The following SNX31 variants were observed in gnomAD, a reference collection of about 807,000 sequenced individuals.
SNX31 encodes the protein sorting nexin 31.
Under a neutral mutation model 65.4 loss-of-function variants are expected in SNX31, and 58 were observed. The ratio of observed to expected loss-of-function variants is 0.89; its 90% confidence interval spans 0.72 to 1.10. The LOEUF is 1.10. SNX31 is among the 50% of genes least tolerant of loss of function. The pLI is 0.00. For synonymous variants in SNX31, 181 were observed against 190.1 expected (o/e 0.95, Z 0.39); for missense variants, 523 against 529.7 (o/e 0.99, Z 0.12).
chr8:100,659,402 T>A (rs1465253543), intron 1 of SNX31, among the ~76,000 whole-genome samples: 5 of 151,556 alleles, frequency 3.3e-5, no homozygotes, highest in African/African-American at 1.2e-4. Flanking sequence ...CACACTGTTC[T>A]TTTCATTCAG....
At position 100,622,746 on chromosome 8, in the gene SNX31, G is replaced by A. The variant is rs752558979; in HGVS notation, c.322-5016C>T. Among the ~76,000 whole-genome samples, 2 of 152,094 alleles carry A rather than the reference G, an allele frequency of 1.3e-5. No individual in the cohort carries two copies. The highest frequency in any genetic ancestry group is 2.9e-5 in the Non-Finnish European group (2 of 68,024). On this transcript the variant is annotated intron_variant, in intron 4 of 13. Transcript: ENST00000311812. This position sits in a 1 kb window ranked among gnomAD's most constrained non-coding sequence, Gnocchi z 5.0. ...ATTTAAAAATGGAGTGTTGATACATGAACTTCCCTCTCTAGCCCTCGACTG... is the reference window on the plus strand; with the variant it reads ...ATTTAAAAATGGAGTGTTGATACATAAACTTCCCTCTCTAGCCCTCGACTG...
intron 3 of SNX31, among the ~76,000 whole-genome samples, chr8:100,633,445 C>T (rs1467375851): frequency 6.6e-6 from 1 of 151,962 alleles, no homozygotes; most frequent in Non-Finnish European, 1.5e-5. Context: ...CTCTCACTGC[C>T]CAGGCTGGAG....
chr8:100,618,904 C>T (rs1390989759), intron 4 of SNX31: 1 of 153,924 alleles, frequency 6.5e-6, no homozygotes, highest in East Asian at 1.9e-4. Context: ...CTCCTCAAAC[C>T]CCATTGCTTA....
At position 100,614,439 on chromosome 8, in the gene SNX31, C is replaced by T. The variant is rs909046144; in HGVS notation, c.433-1354G>A. Among the ~76,000 whole-genome samples, 1 of 152,146 alleles carries T rather than the reference C, an allele frequency of 6.6e-6. No homozygotes were observed. The highest frequency in any genetic ancestry group is 1.5e-5 in the Non-Finnish European group (1 of 68,002). ...TTCATAAAGACATAAATATAAACAC[C>T]TTCTTTTGAGAGGAGTGAGCATCAG... On this transcript the variant is annotated intron_variant, in intron 5 of 13. Coordinates refer to ENST00000311812, the MANE Select transcript of SNX31 (RefSeq NM_152628.4). This position sits in a 1 kb window ranked among gnomAD's most constrained non-coding sequence, Gnocchi z 5.1.
intron 12 of SNX31, among the ~76,000 whole-genome samples, chr8:100,580,156 TAA>T (rs10608114): frequency 0.12 from 15,071 of 124,524 alleles, 2,250 homozygotes; most frequent in African/African-American, 0.35. Context: ...AGCCTGTCTT[TAA>T]AAAAAAAAAA....
chr8:100,585,331 G>A (rs1813946146), intron 11 of SNX31, among the ~76,000 whole-genome samples: 1 of 152,172 alleles, frequency 6.6e-6, no homozygotes, highest in Non-Finnish European at 1.5e-5. Context: ...TCAAAGTTGA[G>A]GCTAGAAGAA....
chr8:100,590,073 C>T (rs1814428895), intron 10 of SNX31, among the ~76,000 whole-genome samples: 1 of 152,170 alleles, frequency 6.6e-6, no homozygotes, highest in African/African-American at 2.4e-5. Context: ...TCCTTTGAAT[C>T]TGTAGGTTAC....
chr8:100,584,123 C>T lies in SNX31; in HGVS notation c.1158G>A (p.Glu386=), dbSNP rs1197794925. ...TAAGAGCACTCACCATTTCTGTATT[C>T]TCAGCAGCTAGCTTTACCATCTTTT... is the stretch of plus-strand genomic sequence containing the variant. ...ISEKMVKLAA[E]NTEMQIEVPE... is the part of the protein sequence containing the mutation. Residue 386 remains glutamate, a synonymous_variant, in exon 12 of 14, where the codon GAG becomes GAA. Coordinates refer to ENST00000311812, the MANE Select transcript of SNX31 (RefSeq NM_152628.4). 6.2e-7 allele frequency: 1 copy of T among 1,604,606 alleles called. No individual in the cohort carries two copies.
intron 8 of SNX31, among the ~76,000 whole-genome samples, chr8:100,605,513 G>A (rs1816069036): frequency 6.6e-6 from 1 of 152,180 alleles, no homozygotes; most frequent in African/African-American, 2.4e-5. Context: ...ATGAGCTAAG[G>A]TTTGTATGAC....
Position 100,635,882 on chromosome 8 carries a change from C to G in SNX31, c.256+15G>C, listed in dbSNP as rs2187017. 0.22 allele frequency: 348,248 copies of G among 1,570,164 alleles called. 42,318 individuals carry two copies. The highest frequency in any genetic ancestry group is 0.48 in the African/African-American group (35,249 of 73,878). On this transcript the variant is annotated intron_variant, in intron 3 of 13. Coordinates refer to ENST00000311812, the MANE Select transcript of SNX31 (RefSeq NM_152628.4). The stretch of plus-strand genomic sequence containing the variant: ...GCAATAAATCTGTTTTTTAAAAAAC[C>G]CTGCAAATACATACCATTTTGCAAA...
At position 100,657,218 on chromosome 8, in the gene SNX31, C is replaced by T. The variant is rs192497182; in HGVS notation, c.-58+5924G>A. ...CTGTAATCCCAGCACTTTGGGAGGC[C>T]GAGGCAGGCGGATCACCTGAGGTCG... is the stretch of plus-strand genomic sequence containing the variant. On this transcript the variant is annotated intron_variant, in intron 1 of 5. Transcript: ENST00000520352. 3.6e-3 allele frequency among the ~76,000 whole-genome samples: 552 copies of T among 152,038 alleles called. 3 individuals are homozygous for T. The highest frequency in any genetic ancestry group is 0.011 in the African/African-American group (460 of 41,462).
chr8:100,573,831 C>A lies in SNX31; in HGVS notation c.*34G>T. 1 of 1,430,522 alleles carries A rather than the reference C, an allele frequency of 7.0e-7. No homozygotes were observed. Among genetic ancestry groups the A allele is most frequent in the Non-Finnish European group, 9.6e-7 (1 of 1,038,262 alleles). 88.6% of individuals were successfully genotyped at this position (1,430,522 alleles called of 1,614,324 possible). On this transcript the variant is annotated 3_prime_UTR_variant, in exon 14 of 14. Transcript: ENST00000311812. ...AAGTTCTTTCACTGTCTTGAGATAG[C>A]CTCCAAGGATATTTTAAAATATGAG... is the stretch of plus-strand genomic sequence containing the variant.
intron 11 of SNX31, among the ~76,000 whole-genome samples, chr8:100,585,690 A>G (rs1375269909): frequency 6.6e-6 from 1 of 152,226 alleles, no homozygotes; most frequent in East Asian, 1.9e-4. Context: ...TTATATGTGC[A>G]TATATGAAAC....
intron 1 of SNX31, among the ~76,000 whole-genome samples, chr8:100,658,925 G>T (rs59483900): frequency 0.087 from 13,253 of 152,204 alleles, 649 homozygotes; most frequent in East Asian, 0.14. Context: ...ATTCAAATTT[G>T]AATACAGTTG....
At position 100,609,142 on chromosome 8, in the gene SNX31, A is replaced by G. The variant is rs1213346784; in HGVS notation, c.612-579T>C. Among the ~76,000 whole-genome samples the G allele has an allele frequency of 6.6e-6, 1 of 151,968 alleles. No individual in the cohort carries two copies. Among genetic ancestry groups the G allele is most frequent in the Non-Finnish European group, 1.5e-5 (1 of 67,992 alleles). ...CAAGGCCCTTCCGGGGACCACCCCC[A>G]CTTTCATTTCCAGTTCCATCTCTCA... On this transcript the variant is annotated intron_variant, in intron 7 of 13. Transcript: ENST00000311812. This position sits in a 1 kb window ranked among gnomAD's most constrained non-coding sequence, Gnocchi z 4.9.
chr8:100,592,703 C>T (rs1185343242), intron 10 of SNX31, among the ~76,000 whole-genome samples: 1 of 152,052 alleles, frequency 6.6e-6, no homozygotes, highest in Non-Finnish European at 1.5e-5. Context: ...TTCATAACAG[C>T]CAAAATATAG....
chr8:100,609,934 T>A lies in SNX31; in HGVS notation c.612-1371A>T, dbSNP rs1354485377. Among the ~76,000 whole-genome samples the A allele has an allele frequency of 2.0e-5, 3 of 152,012 alleles. No individual in the cohort carries two copies. Among genetic ancestry groups the A allele is most frequent in the Admixed American group, 1.3e-4 (2 of 15,274 alleles). On this transcript the variant is annotated intron_variant, in intron 7 of 13. Transcript: ENST00000311812. This position sits in a 1 kb window ranked among gnomAD's most constrained non-coding sequence, Gnocchi z 4.9. ...GCATCTCTCCTTAAGGACAGAGAAG[T>A]CCTTAAGACGCCACTTAGGCCTCAC...
rs1344548281 is a variant in SNX31 at position 100,604,687 on chromosome 8, G to T, written c.681+3807C>A. Among the ~76,000 whole-genome samples, 1 of 152,258 alleles carries T rather than the reference G, an allele frequency of 6.6e-6. No homozygotes were observed. The highest frequency in any genetic ancestry group is 1.5e-5 in the Non-Finnish European group (1 of 68,042). ...TGTATACTTACTTATAGTTTTAAATGCAATCTCTCATTTTTAAACTCAGGT... is the reference window on the plus strand; with the variant it reads ...TGTATACTTACTTATAGTTTTAAATTCAATCTCTCATTTTTAAACTCAGGT... On this transcript the variant is annotated intron_variant, in intron 8 of 13. Coordinates refer to ENST00000311812, the MANE Select transcript of SNX31 (RefSeq NM_152628.4). The surrounding 1 kb of genome is among the most constrained non-coding windows in gnomAD (Gnocchi z 4.3).
rs542524583 is a variant in SNX31 at position 100,604,964 on chromosome 8, T to C, written c.681+3530A>G. On this transcript the variant is annotated intron_variant, in intron 8 of 13. Coordinates refer to ENST00000311812, the MANE Select transcript of SNX31 (RefSeq NM_152628.4). This position sits in a 1 kb window ranked among gnomAD's most constrained non-coding sequence, Gnocchi z 4.3. ...CCCAAGCAGGAGTACAGTGACATAT[T>C]CTTGGCTCCCTGCAACCTCTGCCTC... 9.2e-5 allele frequency among the ~76,000 whole-genome samples: 14 copies of C among 152,292 alleles called. No homozygotes were observed. The highest frequency in any genetic ancestry group is 3.4e-4 in the African/African-American group (14 of 41,550).
Sources: gnomAD v4.1 joint callset for allele counts (sites outside exome capture counted in the v4.1 genomes callset) on GRCh38, gnomAD v4.1.1 for gene constraint, Gnocchi (gnomAD v3.1) non-coding constraint, MANE v1.5 for transcripts, NCBI Gene and HGNC (gene_info 2026-07-23, HGNC 2026-07-21) for gene names.